HDAC9: variants seen among roughly 807,000 people sequenced by gnomAD.
HDAC9 encodes histone deacetylase 9, also known as MEF-2 interacting transcription repressor (MITR) protein.
HDAC9 carries 41 observed loss-of-function variants against 139.4 expected under a neutral mutation model. The observed-to-expected ratio is 0.29, with a 90% CI of 0.23 to 0.38. The LOEUF is 0.38. Among genes scored for constraint, HDAC9 ranks in the 10% least tolerant of loss-of-function variants. The pLI, the probability that HDAC9 is intolerant of heterozygous loss-of-function variation, is 1.00. For synonymous variants in HDAC9, 517 were observed against 476.2 expected (o/e 1.09, Z -1.12); for missense variants, 1,147 against 1,297.0 (o/e 0.88, Z 1.78).
chr7:18,767,222 A>G (rs1210546775), intron 16 of HDAC9, 67 bp downstream of exon 16: 3 of 920,512 alleles, frequency 3.3e-6, no homozygotes, highest in South Asian at 1.7e-5. Flanking sequence ...TTTTTGATTT[A>G]TCTATTCAGT....
Position 18,893,534 on chromosome 7 carries a change from G to T in HDAC9, c.2803+18938G>T, listed in dbSNP as rs372386110. On this transcript the variant is annotated intron_variant, in intron 22 of 25. Coordinates refer to ENST00000686413, the MANE Select transcript of HDAC9 (RefSeq NM_178425.4). The stretch of plus-strand genomic sequence containing the variant: ...CTAAAATGGTACTCCCTGGCCATAT[G>T]GTTATTTAAATTTAACTTAATGAAA... 3.9e-5 allele frequency among the ~76,000 whole-genome samples: 6 copies of T among 152,116 alleles called. No individual in the cohort carries two copies. The East Asian group carries it at 1.2e-3, about 29-fold the overall frequency.
chr7:18,964,178 T>C (rs548209930), intron 24 of HDAC9, among the ~76,000 whole-genome samples: 23 of 152,298 alleles, frequency 1.5e-4, no homozygotes, highest in African/African-American at 5.3e-4. Flanking sequence ...TACTGCTTTC[T>C]ACTCTTGACC....
chr7:18,829,028 A>C (rs1178089361), intron 17 of HDAC9, 133 bp from the exon 18 acceptor site: 2 of 697,234 alleles, frequency 2.9e-6, no homozygotes, highest in Non-Finnish European at 5.3e-6. Flanking sequence ...GAACAAAAAC[A>C]ATCTCGGAAG....
At chr7:18,660,959 C>G (rs1226314002) in intron 11 of HDAC9, among the ~76,000 whole-genome samples, 1 of 151,986 alleles carries the variant, frequency 6.6e-6, no homozygotes, top group Non-Finnish European at 1.5e-5. Flanking sequence ...GGATTCTAAG[C>G]AGAGAATTAA....
At chr7:18,599,161 A>C (rs1364742668) in intron 6 of HDAC9, among the ~76,000 whole-genome samples, 4 of 152,224 alleles carry the variant, frequency 2.6e-5, no homozygotes, top group African/African-American at 7.2e-5. Context: ...ATTTTAAGAA[A>C]AGTTTTATAT....
intron 1 of HDAC9, among the ~76,000 whole-genome samples, chr7:18,404,216 T>C (rs573299675): frequency 6.6e-6 from 1 of 152,322 alleles, no homozygotes; most frequent in African/African-American, 2.4e-5. Flanking sequence ...ATATTTAATA[T>C]CTAGTTAGTC....
intron 6 of HDAC9, among the ~76,000 whole-genome samples, chr7:18,619,835 C>G (rs1488015134): frequency 6.6e-6 from 1 of 152,136 alleles, no homozygotes. Context: ...TGCCCTTGGA[C>G]GTGGTTATTT....
intron 23 of HDAC9, among the ~76,000 whole-genome samples, chr7:18,951,854 G>A (rs1267179596): frequency 1.3e-5 from 2 of 151,800 alleles, no homozygotes; most frequent in Non-Finnish European, 2.9e-5. Context: ...CTATAATTGT[G>A]AGTGATTAAA....
At position 18,704,148 on chromosome 7, in the gene HDAC9, T is replaced by C. The variant is rs189800497; in HGVS notation, c.1732-23432T>C. On this transcript the variant is annotated intron_variant, in intron 12 of 25. Coordinates refer to ENST00000686413, the MANE Select transcript of HDAC9 (RefSeq NM_178425.4). Reference sequence around the variant, plus strand: ...TGTTCTTGGTATAATCAGGACCCAGTGGCACCCAGGCACTCTGGCCTGCCT... The same window carrying C: ...TGTTCTTGGTATAATCAGGACCCAGCGGCACCCAGGCACTCTGGCCTGCCT... Among the ~76,000 whole-genome samples the C allele has an allele frequency of 4.1e-4, 62 of 152,334 alleles. 1 individual carries two copies. The highest frequency in any genetic ancestry group is 1.5e-5 in the Non-Finnish European group (1 of 68,024).
chr7:18,430,819 G>A (rs772332342), intron 1 of HDAC9: 11 of 152,342 alleles, frequency 7.2e-5, no homozygotes, highest in Non-Finnish European at 1.6e-4. Flanking sequence ...CCCGGGAGGT[G>A]GAGGTTGCGG....
At chr7:18,140,520 C>T (rs1158200257) in intron 1 of HDAC9, among the ~76,000 whole-genome samples, 2 of 152,106 alleles carry the variant, frequency 1.3e-5, no homozygotes, top group Non-Finnish European at 2.9e-5. Context: ...AATTAGGAAA[C>T]TGTCAATACT....
At chr7:18,667,272 G>A in intron 12 of HDAC9, 1 of 984,692 alleles carries the variant, frequency 1.0e-6, no homozygotes, top group South Asian at 4.7e-5. Flanking sequence ...GCAGCATTAT[G>A]GTCCAATCAG....
chr7:18,293,373 A>G (rs1250036799), intron 1 of HDAC9, among the ~76,000 whole-genome samples: 2 of 151,784 alleles, frequency 1.3e-5, no homozygotes, highest in African/African-American at 2.4e-5. Flanking sequence ...TTTGTTATAT[A>G]TGGAACCCAT....
chr7:18,385,039 C>A (rs1488505724), intron 1 of HDAC9, among the ~76,000 whole-genome samples: 1 of 151,616 alleles, frequency 6.6e-6, no homozygotes, highest in East Asian at 1.9e-4. Flanking sequence ...TCCTTCAATC[C>A]TTCTTTTCCT....
Position 18,166,249 on chromosome 7 carries a change from C to T in HDAC9, c.25+3900C>T, listed in dbSNP as rs181899786. 1.7e-4 allele frequency among the ~76,000 whole-genome samples: 26 copies of T among 152,282 alleles called. No homozygotes were observed. In the South Asian group the frequency reaches 4.3e-3, roughly 25 times the overall value. On this transcript the variant is annotated intron_variant, in intron 2 of 12. Coordinates refer to the HDAC9 transcript ENST00000417496. ...GTGGCCAAAGCTGTGTTGCAAAGTC[C>T]TGTAACATTAGTTTTCAAAGCCCCT...
intron 22 of HDAC9, among the ~76,000 whole-genome samples, chr7:18,877,599 G>A (rs1385535812): frequency 6.6e-6 from 1 of 152,132 alleles, no homozygotes; most frequent in African/African-American, 2.4e-5. Flanking sequence ...TATTTTCTTA[G>A]CACATTGAGT....
chr7:18,837,382 C>T (rs1373286548), intron 21 of HDAC9, among the ~76,000 whole-genome samples: 2 of 151,980 alleles, frequency 1.3e-5, no homozygotes, highest in Non-Finnish European at 2.9e-5. Context: ...TTCAACATCA[C>T]AAATACCATT....
chr7:18,140,024 T>C (rs1336793946), intron 1 of HDAC9, among the ~76,000 whole-genome samples: 1 of 152,150 alleles, frequency 6.6e-6, no homozygotes, highest in Non-Finnish European at 1.5e-5. Context: ...TCATTTGTTA[T>C]GGCAGCCACA....
chr7:18,977,220 C>A (rs1441252592), intron 25 of HDAC9, among the ~76,000 whole-genome samples: 1 of 152,138 alleles, frequency 6.6e-6, no homozygotes, highest in Non-Finnish European at 1.5e-5. Flanking sequence ...AACCCCCTGC[C>A]GTTCCCAGCT....
Sources: gnomAD v4.1 joint callset for allele counts (sites outside exome capture counted in the v4.1 genomes callset) on GRCh38, gnomAD v4.1.1 for gene constraint, MANE v1.5 for transcripts, NCBI Gene and HGNC (gene_info 2026-07-23, HGNC 2026-07-21) for gene names.